The following FOXP2 variants were observed in gnomAD, a reference collection of about 807,000 sequenced individuals.
FOXP2 encodes forkhead box P2.
Under a neutral mutation model 115.8 loss-of-function variants are expected in FOXP2, and 12 were observed. The ratio of observed to expected loss-of-function variants is 0.10; its 90% CI spans 0.07 to 0.17. The LOEUF (loss-of-function observed/expected upper bound fraction) is 0.17. Ranked by LOEUF, FOXP2 falls within the 10% of genes least tolerant of loss-of-function variation. The pLI is 1.00. For missense variants in FOXP2, 629 were observed against 843.5 expected, an observed-to-expected ratio of 0.75 and a Z score of 3.15; for synonymous variants, 328 against 297.7, an observed-to-expected ratio of 1.10 and a Z score of -1.05.
At chr7:114,202,578 A>C (rs1042070432) in intron 1 of FOXP2, among the ~76,000 whole-genome samples, 2 of 152,184 alleles carry the variant, frequency 1.3e-5, no homozygotes, top group African/African-American at 4.8e-5. Context: ...TTTTAAAATG[A>C]GGCACCTTCT....
At chr7:114,184,978 GTTACGTCATATGATTCACTGCCTTCA>G (rs1793554179) in intron 1 of FOXP2, among the ~76,000 whole-genome samples, 1 of 152,140 alleles carries the variant, frequency 6.6e-6, no homozygotes, top group Admixed American at 6.6e-5. Flanking sequence ...ACTGTCCTAT[GTTACGTCATATGATTCACTGCCTTCA>G]TTACCAAAAT....
chr7:114,660,697 G>A (rs890741768), intron 13 of FOXP2, among the ~76,000 whole-genome samples: 1 of 152,106 alleles, frequency 6.6e-6, no homozygotes, highest in Admixed American at 6.6e-5. Context: ...GAAAATGTCA[G>A]CAATAATCTG....
At chr7:114,552,544 T>A (rs1244091172) in intron 3 of FOXP2, among the ~76,000 whole-genome samples, 4 of 152,242 alleles carry the variant, frequency 2.6e-5, no homozygotes, top group Admixed American at 2.0e-4. Flanking sequence ...AATGAGTTAG[T>A]TTTCCCCTTA....
chr7:114,195,278 A>G (rs1046682043), intron 1 of FOXP2, among the ~76,000 whole-genome samples: 2 of 152,200 alleles, frequency 1.3e-5, no homozygotes, highest in Admixed American at 1.3e-4. Flanking sequence ...TGCCACACAG[A>G]AAGTTAGAAA....
At chr7:114,216,244 T>A (rs1670305290) in intron 1 of FOXP2, among the ~76,000 whole-genome samples, 1 of 152,170 alleles carries the variant, frequency 6.6e-6, no homozygotes, top group Admixed American at 6.6e-5. Flanking sequence ...GCGAAAGGAA[T>A]AGAGCTTCCA....
rs1808593011 is a variant in FOXP2, at chr7:114,690,199, T to G, written c.*273T>G. ...TGAAAAAAAAAAATGAACTGTTCTT[T>G]CTATAATGGCTTTGCCCATTTAAAA... is the stretch of plus-strand genomic sequence containing the variant. On this transcript the variant is annotated 3_prime_UTR_variant, in exon 17 of 17. Coordinates refer to ENST00000350908, the MANE Select transcript of FOXP2 (RefSeq NM_014491.4). 2 of 504,214 alleles carry G rather than the reference T, an allele frequency of 4.0e-6. No individual in the cohort carries two copies. The highest frequency in any genetic ancestry group is 7.5e-6 in the Non-Finnish European group (2 of 264,974). 31.2% of individuals were successfully genotyped at this position (504,214 alleles called of 1,614,324 possible). A position where few individuals can be genotyped will look rare whatever the true frequency, so the allele number is the denominator to read the frequency against.
chr7:114,673,045 C>G (rs962530254), intron 16 of FOXP2, among the ~76,000 whole-genome samples: 1 of 152,182 alleles, frequency 6.6e-6, no homozygotes, highest in African/African-American at 2.4e-5. Flanking sequence ...ACCCCGTATA[C>G]TCATATTACC....
intron 3 of FOXP2, among the ~76,000 whole-genome samples, chr7:114,569,657 C>A (rs1371383342): frequency 6.6e-6 from 1 of 151,802 alleles, no homozygotes; most frequent in Non-Finnish European, 1.5e-5. Context: ...TCCCCCCAGT[C>A]TTCATCTGCT....
At chr7:114,328,552 G>A (rs1025683448) in intron 2 of FOXP2, among the ~76,000 whole-genome samples, 5 of 151,862 alleles carry the variant, frequency 3.3e-5, no homozygotes, top group South Asian at 2.1e-4. Context: ...CTTTCTTTTC[G>A]TAATATTCTG....
chr7:114,539,896 G>A (rs953858841), intron 3 of FOXP2, among the ~76,000 whole-genome samples: 6 of 151,848 alleles, frequency 4.0e-5, no homozygotes, highest in African/African-American at 1.5e-4. Flanking sequence ...CCATTAATAG[G>A]GCTTTGGATA....
At chr7:114,573,619 C>T (rs1022787186) in intron 3 of FOXP2, among the ~76,000 whole-genome samples, 2 of 151,034 alleles carry the variant, frequency 1.3e-5, no homozygotes, top group Admixed American at 1.3e-4. Context: ...TTTAATGTCA[C>T]ACATATTATT....
Position 114,516,678 on chromosome 7 carries a change from CTTTGTTT to C in FOXP2, c.169-17914_169-17908del, listed in dbSNP as rs556022606. ...ACCAATACTTGGTAATTTTTTTGTT[CTTTGTTT>C]TTTGTTTTTTGTTTTTTGTTTTTTT... is the stretch of plus-strand genomic sequence containing the variant. On this transcript the variant is annotated intron_variant, in intron 2 of 16. Transcript: ENST00000350908. Among the ~76,000 whole-genome samples the C allele has an allele frequency of 2.0e-3, 300 of 150,746 alleles. 2 individuals carry two copies. The highest frequency in any genetic ancestry group is 6.9e-3 in the Middle Eastern group (2 of 288).
chr7:114,322,716 AT>A (rs1163975369), intron 2 of FOXP2, among the ~76,000 whole-genome samples: 4 of 152,204 alleles, frequency 2.6e-5, no homozygotes, highest in African/African-American at 9.7e-5. Flanking sequence ...TTCTAAAAAA[AT>A]GTGGTACTTT....
chr7:114,648,234 ACTTGTCAGAATGTTGTTT>A lies in FOXP2; in HGVS notation c.1094+3449_1094+3466del, dbSNP rs1216462820. 1.2e-4 allele frequency among the ~76,000 whole-genome samples: 18 copies of A among 152,206 alleles called. No individual in the cohort carries two copies. The South Asian group carries it at 1.2e-3, about 11-fold the overall frequency. On this transcript the variant is annotated intron_variant, in intron 8 of 16. Transcript: ENST00000350908. ...ATGACCTCAAGAAGGCATTCTTTGA[ACTTGTCAGAATGTTGTTT>A]CTTTTGGTGACAGTGCCCCCCCATC...
intron 3 of FOXP2, among the ~76,000 whole-genome samples, chr7:114,598,568 T>G (rs1157669309): frequency 6.6e-6 from 1 of 152,106 alleles, no homozygotes; most frequent in Non-Finnish European, 1.5e-5. Flanking sequence ...CATTACTTAA[T>G]GACATTTATC....
intron 2 of FOXP2, among the ~76,000 whole-genome samples, chr7:114,491,244 C>A (rs904259353): frequency 6.0e-4 from 91 of 152,318 alleles, no homozygotes; most frequent in African/African-American, 2.1e-3. Flanking sequence ...ATTTGCATTT[C>A]TCTGATGGCC....
chr7:114,557,743 C>A (rs957197621), intron 3 of FOXP2, among the ~76,000 whole-genome samples: 2 of 151,912 alleles, frequency 1.3e-5, no homozygotes, highest in African/African-American at 4.8e-5. Context: ...CTCTTCTGTT[C>A]TCAAAAGCAG....
rs182419568 is a variant in FOXP2 at position 114,176,336 on chromosome 7, T to C, written c.-102+13248T>C. On this transcript the variant is annotated intron_variant, in intron 1 of 17. Coordinates refer to the FOXP2 transcript ENST00000634411. ...TCTCTCTCTCTTTCTTTTTCTTTCT[T>C]TCTCTCTCTCTCTCTCTTTCTTGAC... 4.9e-3 allele frequency among the ~76,000 whole-genome samples: 664 copies of C among 135,418 alleles called. 5 individuals carry two copies. Among genetic ancestry groups the C allele is most frequent in the African/African-American group, 0.021 (625 of 29,142 alleles). The allele number at this position is 135,418 out of a possible 152,430, so 88.8% of individuals were successfully genotyped here.
At chr7:114,399,550 G>A (rs1792827930) in intron 2 of FOXP2, among the ~76,000 whole-genome samples, 1 of 151,982 alleles carries the variant, frequency 6.6e-6, no homozygotes, top group Admixed American at 6.6e-5. Flanking sequence ...TACTTTTTCT[G>A]TGGTATACTT....
Sources: allele counts gnomAD v4.1 joint callset (sites outside exome capture counted in the v4.1 genomes callset), GRCh38; gene constraint gnomAD v4.1.1; transcripts MANE v1.5; gene names NCBI Gene and HGNC (gene_info 2026-07-23, HGNC 2026-07-21).